Variants in DLG2 observed in about 807,000 individuals in gnomAD.
DLG2 encodes discs large MAGUK scaffold protein 2.
Under a neutral mutation model 132.5 loss-of-function variants are expected in DLG2, and 45 were observed. That is an observed-to-expected ratio of 0.34 (90% CI 0.27 to 0.44). The LOEUF (loss-of-function observed/expected upper bound fraction) is 0.44. Among genes scored for constraint, DLG2 ranks in the 20% least tolerant of loss-of-function variants. DLG2 has a pLI of 1.00. For synonymous variants in DLG2, 424 were observed against 419.6 expected (o/e 1.01, Z -0.13); for missense variants, 1,045 against 1,196.9 (o/e 0.87, Z 1.87).
At chr11:83,481,555 TAAAGCATGAAACTAATGAAAACC>T (rs2093112723) in intron 22 of DLG2, among the ~76,000 whole-genome samples, 2 of 152,124 alleles carry the variant, frequency 1.3e-5, no homozygotes, top group African/African-American at 4.8e-5. Context: ...AGAGTAGTTT[TAAAGCATGAAACTAATGAAAACC>T]AAAGCATGGG....
intron 6 of DLG2, among the ~76,000 whole-genome samples, chr11:84,662,167 T>TA (rs1416497079): frequency 4.0e-5 from 6 of 151,722 alleles, no homozygotes; most frequent in African/African-American, 7.3e-5. Context: ...CATCAGTACT[T>TA]AGAGTCAGTT....
chr11:84,896,996 T>A (rs1340992756), intron 6 of DLG2, among the ~76,000 whole-genome samples: 1 of 151,706 alleles, frequency 6.6e-6, no homozygotes. Context: ...ATAAAATGAG[T>A]TTCTATGTAC....
intron 8 of DLG2, among the ~76,000 whole-genome samples, chr11:84,236,049 T>TTA (rs1555444442): frequency 8.4e-5 from 12 of 143,368 alleles, no homozygotes; most frequent in Non-Finnish European, 1.7e-4. Context: ...TCCATTTTAT[T>TTA]AAAAAAAAAA....
chr11:84,496,317 A>G (rs2099183734), intron 7 of DLG2, among the ~76,000 whole-genome samples: 1 of 152,190 alleles, frequency 6.6e-6, no homozygotes, highest in Admixed American at 6.6e-5. Flanking sequence ...ATGTGTTATC[A>G]TATAGCTTGG....
chr11:84,801,040 C>A (rs147937665), intron 6 of DLG2, among the ~76,000 whole-genome samples: 2,113 of 152,256 alleles, frequency 0.014, 19 homozygotes, highest in Middle Eastern at 0.038. Context: ...ATTTTATGTG[C>A]AAGTTTGTCT....
intron 5 of DLG2, among the ~76,000 whole-genome samples, chr11:85,146,979 T>C (rs564712232): frequency 6.6e-6 from 1 of 152,316 alleles, no homozygotes; most frequent in South Asian, 2.1e-4. Flanking sequence ...TTTTGCCCTA[T>C]GTTGTATTCT....
At chr11:83,906,610 G>A (rs12273942) in intron 15 of DLG2, among the ~76,000 whole-genome samples, 14,548 of 152,122 alleles carry the variant, frequency 0.096, 833 homozygotes, top group Middle Eastern at 0.2. Context: ...AGTGCTTACT[G>A]TGTAGGCAAT....
intron 3 of DLG2, among the ~76,000 whole-genome samples, chr11:85,500,428 T>C (rs1292715980): frequency 6.9e-6 from 1 of 143,900 alleles, no homozygotes; most frequent in Non-Finnish European, 1.5e-5. Flanking sequence ...CATTGGGAGA[T>C]ATACCTAATG....
chr11:84,143,614 ATAAAAT>A (rs1469771829), intron 9 of DLG2, among the ~76,000 whole-genome samples: 1 of 152,194 alleles, frequency 6.6e-6, no homozygotes, highest in Non-Finnish European at 1.5e-5. Context: ...AGGTAAATGG[ATAAAAT>A]ATAAGCTTGT....
chr11:85,410,538 C>T (rs2089220088), intron 3 of DLG2, among the ~76,000 whole-genome samples: 1 of 151,622 alleles, frequency 6.6e-6, no homozygotes, highest in Admixed American at 6.6e-5. Context: ...AATGAATGTA[C>T]AAATTTAAGA....
chr11:83,467,772 T>C (rs1201343825), intron 25 of DLG2, among the ~76,000 whole-genome samples: 1 of 15,210 alleles, frequency 6.6e-5, no homozygotes, highest in Non-Finnish European at 9.9e-5. Context: ...AAACTATATG[T>C]ATATATATAT....
At chr11:84,011,869 A>T (rs903562923) in intron 11 of DLG2, among the ~76,000 whole-genome samples, 3 of 152,174 alleles carry the variant, frequency 2.0e-5, no homozygotes, top group Non-Finnish European at 2.9e-5. Flanking sequence ...ATACATGTCC[A>T]TAGCACATTT....
chr11:85,219,722 T>C (rs1476164892), intron 4 of DLG2, among the ~76,000 whole-genome samples: 2 of 148,386 alleles, frequency 1.3e-5, no homozygotes, highest in African/African-American at 5.0e-5. Flanking sequence ...TCTAATCTAG[T>C]ATGACCTCAC....
chr11:85,075,991 C>CA (rs1291427009), intron 6 of DLG2, among the ~76,000 whole-genome samples: 1 of 151,916 alleles, frequency 6.6e-6, no homozygotes, highest in African/African-American at 2.4e-5. Flanking sequence ...TTTTACTTAG[C>CA]AATTATATTT....
intron 10 of DLG2, among the ~76,000 whole-genome samples, chr11:84,083,660 G>T (rs544880769): frequency 6.6e-6 from 1 of 152,280 alleles, no homozygotes; most frequent in African/African-American, 2.4e-5. Flanking sequence ...TTGTGTACTT[G>T]ATCCTGCTTC....
intron 11 of DLG2, among the ~76,000 whole-genome samples, chr11:83,994,925 T>G (rs2093942929): frequency 6.6e-6 from 1 of 152,010 alleles, no homozygotes; most frequent in African/African-American, 2.4e-5. Flanking sequence ...CATCCCGATC[T>G]CAGTCTTCAT....
intron 18 of DLG2, among the ~76,000 whole-genome samples, chr11:83,765,312 T>C (rs930644172): frequency 6.6e-6 from 1 of 152,192 alleles, no homozygotes; most frequent in Non-Finnish European, 1.5e-5. Flanking sequence ...TTTAAGAAAT[T>C]ACTGCTAGAG....
At chr11:83,592,340 A>G (rs1265036570) in intron 19 of DLG2, among the ~76,000 whole-genome samples, 1 of 147,624 alleles carries the variant, frequency 6.8e-6, no homozygotes, top group Non-Finnish European at 1.5e-5. Flanking sequence ...ATAACACCGC[A>G]TATCTACAAC....
chr11:84,134,122 G>A (rs1411945266), intron 9 of DLG2, among the ~76,000 whole-genome samples: 2 of 152,006 alleles, frequency 1.3e-5, no homozygotes, highest in Non-Finnish European at 2.9e-5. Flanking sequence ...CCCTCAAGGA[G>A]CTCTAGTTGA....
Sources: gnomAD v4.1 joint callset for allele counts (sites outside exome capture counted in the v4.1 genomes callset) on GRCh38, gnomAD v4.1.1 for gene constraint, MANE v1.5 for transcripts, NCBI Gene and HGNC (gene_info 2026-07-23, HGNC 2026-07-21) for gene names.